Variants in NRXN3 observed in about 807,000 individuals in gnomAD.
The protein encoded by NRXN3 is neurexin 3.
NRXN3 carries 32 observed loss-of-function variants against 137.6 expected under a neutral mutation model. That is an observed-to-expected ratio of 0.23 (90% CI 0.18 to 0.31). The LOEUF (loss-of-function observed/expected upper bound fraction) is 0.31, where lower values mean the gene tolerates loss of function less well. NRXN3 is among the 10% of genes least tolerant of loss of function. The pLI, the probability that NRXN3 is intolerant of heterozygous loss-of-function variation, is 1.00. For missense variants in NRXN3, 1,574 were observed against 2,062.5 expected (o/e 0.76, Z 4.59); for synonymous variants, 798 against 784.5 (o/e 1.02, Z -0.29).
At chr14:78,180,741 A>C (rs1426690935) in intron 1 of NRXN3, among the ~76,000 whole-genome samples, 1 of 152,224 alleles carries the variant, frequency 6.6e-6, no homozygotes, top group East Asian at 1.9e-4. Flanking sequence ...CCTGGGCCCC[A>C]TAAATCCCAG....
intron 4 of NRXN3, among the ~76,000 whole-genome samples, chr14:78,521,502 C>G (rs532534539): frequency 6.6e-6 from 1 of 152,066 alleles, no homozygotes; most frequent in Non-Finnish European, 1.5e-5. Flanking sequence ...AGTGCTCTGC[C>G]TGAAGCCCAG....
At chr14:79,471,382 T>A (rs1304688712) in intron 16 of NRXN3, among the ~76,000 whole-genome samples, 1 of 152,214 alleles carries the variant, frequency 6.6e-6, no homozygotes, top group Admixed American at 6.5e-5. Flanking sequence ...ATGTGAGGTT[T>A]TGTGAACGTG....
At chr14:79,690,875 A>T (rs918309272) in intron 17 of NRXN3, among the ~76,000 whole-genome samples, 1 of 152,084 alleles carries the variant, frequency 6.6e-6, no homozygotes, top group South Asian at 2.1e-4. Flanking sequence ...TGCAATTCTA[A>T]TATTCTTTAT....
At chr14:79,410,544 T>C (rs939423598) in intron 15 of NRXN3, among the ~76,000 whole-genome samples, 2 of 151,634 alleles carry the variant, frequency 1.3e-5, no homozygotes, top group Non-Finnish European at 2.9e-5. Flanking sequence ...AGAAGGACAA[T>C]ATCAAGTAAT....
chr14:79,068,489 T>A (rs1353442612), intron 15 of NRXN3, among the ~76,000 whole-genome samples: 1 of 152,106 alleles, frequency 6.6e-6, no homozygotes, highest in Non-Finnish European at 1.5e-5. Flanking sequence ...TATATTTATA[T>A]CTTAATAAAT....
chr14:78,826,853 G>A (rs143001525), intron 10 of NRXN3, among the ~76,000 whole-genome samples: 1,883 of 152,088 alleles, frequency 0.012, 22 homozygotes, highest in Non-Finnish European at 0.017. Flanking sequence ...TATGTTTTCC[G>A]TCAAGGTTTG....
At chr14:78,927,605 T>C (rs2099309488) in intron 10 of NRXN3, among the ~76,000 whole-genome samples, 1 of 152,154 alleles carries the variant, frequency 6.6e-6, no homozygotes. Context: ...TGGGTCTGTA[T>C]TTTACCTATG....
chr14:79,514,713 C>A (rs916830044), intron 16 of NRXN3, among the ~76,000 whole-genome samples: 1 of 152,116 alleles, frequency 6.6e-6, no homozygotes, highest in Admixed American at 6.5e-5. Flanking sequence ...TAAGCTAGAA[C>A]CATGGCTCAC....
chr14:78,715,589 A>G (rs2098427739), intron 8 of NRXN3, among the ~76,000 whole-genome samples: 2 of 152,194 alleles, frequency 1.3e-5, no homozygotes, highest in Non-Finnish European at 2.9e-5. Context: ...TGGAATATTT[A>G]GCCATTAAAT....
At chr14:78,534,591 C>CT (rs1223617145) in intron 4 of NRXN3, among the ~76,000 whole-genome samples, 1 of 152,080 alleles carries the variant, frequency 6.6e-6, no homozygotes, top group Non-Finnish European at 1.5e-5. Flanking sequence ...TTTCTAGATC[C>CT]TTTTTTGCTC....
intron 20 of NRXN3, among the ~76,000 whole-genome samples, chr14:79,824,403 GT>G (rs112695287): frequency 4.0e-5 from 6 of 151,858 alleles, no homozygotes; most frequent in Non-Finnish European, 5.9e-5. Context: ...TTTTTTGATG[GT>G]TTTTTTTTCC....
chr14:79,065,689 T>C (rs532637668), intron 15 of NRXN3, among the ~76,000 whole-genome samples: 1 of 152,194 alleles, frequency 6.6e-6, no homozygotes, highest in East Asian at 1.9e-4. Flanking sequence ...CTTCTTATGG[T>C]TTGCCAGTAA....
chr14:79,409,311 A>G (rs1355095086), intron 15 of NRXN3, among the ~76,000 whole-genome samples: 2 of 151,692 alleles, frequency 1.3e-5, no homozygotes, highest in African/African-American at 2.4e-5. Flanking sequence ...CTACAGATAT[A>G]CATGTGTGTA....
chr14:79,792,233 A>G (rs1360057655), intron 19 of NRXN3, among the ~76,000 whole-genome samples: 5 of 152,220 alleles, frequency 3.3e-5, no homozygotes, highest in Non-Finnish European at 7.3e-5. Context: ...GAGGAAATCT[A>G]TGCTGCTGTA....
intron 6 of NRXN3, among the ~76,000 whole-genome samples, chr14:78,675,743 A>C (rs1434354319): frequency 3.9e-5 from 6 of 152,190 alleles, no homozygotes; most frequent in Admixed American, 3.9e-4. Context: ...AAATTTGACT[A>C]TTCAGGCATA....
At position 78,363,636 on chromosome 14, in the gene NRXN3, A is replaced by G. The variant is rs1437975440; in HGVS notation, c.757+65776A>G. On this transcript the variant is annotated intron_variant, in intron 4 of 20. Coordinates refer to ENST00000335750, the MANE Select transcript of NRXN3 (RefSeq NM_001330195.2). ...GCAGTGCTCCACTCAGGTCTTTCCT[A>G]TTCGGCCCATGATAAGGTGCTATCT... Among the ~76,000 whole-genome samples, 4 of 152,172 alleles carry G rather than the reference A, an allele frequency of 2.6e-5. No individual in the cohort carries two copies. The South Asian group carries it at 6.2e-4, about 24-fold the overall frequency.
intron 15 of NRXN3, among the ~76,000 whole-genome samples, chr14:79,401,506 G>C (rs35310631): frequency 2.0e-5 from 3 of 152,010 alleles, no homozygotes; most frequent in Admixed American, 2.0e-4. Flanking sequence ...CATTGTCCTA[G>C]GAGAACCACT....
At chr14:78,339,430 G>C (rs906038861) in intron 4 of NRXN3, among the ~76,000 whole-genome samples, 1 of 152,168 alleles carries the variant, frequency 6.6e-6, no homozygotes, top group African/African-American at 2.4e-5. Context: ...CCTTAGAGAG[G>C]AGGTGCACAT....
At chr14:79,624,641 T>A (rs1376070845) in intron 16 of NRXN3, among the ~76,000 whole-genome samples, 1 of 112,470 alleles carries the variant, frequency 8.9e-6, no homozygotes, top group East Asian at 2.7e-4. Context: ...TACATAATTG[T>A]AACTTTGTAC....
Sources: allele counts gnomAD v4.1 joint callset (sites outside exome capture counted in the v4.1 genomes callset), GRCh38; gene constraint gnomAD v4.1.1; transcripts MANE v1.5; gene names NCBI Gene and HGNC (gene_info 2026-07-23, HGNC 2026-07-21).